ASB10: variants seen among roughly 807,000 people sequenced by gnomAD.
ASB10 encodes the protein ankyrin repeat and SOCS box protein 10.
In ASB10, 44 loss-of-function variants were observed where a neutral mutation model predicts 35.4. The observed-to-expected ratio is 1.24, with a 90% CI of 0.98 to 1.60. The LOEUF (loss-of-function observed/expected upper bound fraction) is 1.60, where lower values mean the gene tolerates loss of function less well. Among genes scored for constraint, ASB10 ranks in the 40% most tolerant of loss-of-function variants. ASB10 has a pLI of 0.00. For missense variants in ASB10, 647 were observed against 634.3 expected, an observed-to-expected ratio of 1.02 and a Z score of -0.22; for synonymous variants, 294 against 280.4, an observed-to-expected ratio of 1.05 and a Z score of -0.49.
intron 2 of ASB10, among the ~76,000 whole-genome samples, chr7:151,183,387 C>T (rs1801529564): frequency 6.6e-6 from 1 of 152,176 alleles, no homozygotes; most frequent in Admixed American, 6.5e-5. Flanking sequence ...GACTAGGTGA[C>T]TGAGAGAGAC....
In ASB10 at chr7:151,176,222, C is replaced by A; in HGVS notation, c.1294G>T (p.Ala432Ser). 6.2e-7 allele frequency: 1 copy of A among 1,604,564 alleles called. No individual in the cohort carries two copies. Among genetic ancestry groups the A allele is most frequent in the East Asian group, 2.2e-5 (1 of 44,784 alleles). Reference protein sequence around the residue: ...PRSLQHLSRCALRSHLEGSLP... With the variant: ...PRSLQHLSRCSLRSHLEGSLP... ...CTGCCCTCCAGGTGGGAGCGGAGCGCACAGCGGCTCAAATGCTGCAGCGAC... is the reference window on the plus strand; with the variant it reads ...CTGCCCTCCAGGTGGGAGCGGAGCGAACAGCGGCTCAAATGCTGCAGCGAC... The change falls in exon 5 of 6, where the codon GCG (alanine) becomes TCG (serine). Residue 432 changes from alanine (A) to serine (S), a missense_variant. Ala to Ser is a moderately conservative substitution (Grantham distance 99, BLOSUM62 1). Transcript: ENST00000420175.
At chr7:151,185,030 A>C (rs1801562360) in intron 2 of ASB10, among the ~76,000 whole-genome samples, 2 of 152,106 alleles carry the variant, frequency 1.3e-5, no homozygotes, top group African/African-American at 4.8e-5. Flanking sequence ...TCAAAAAATA[A>C]ATAAATAAAT....
chr7:151,180,787 CT>C (rs1260748945), intron 3 of ASB10, 151 bp downstream of exon 3: 5 of 1,350,912 alleles, frequency 3.7e-6, no homozygotes, highest in Non-Finnish European at 3.9e-6. Context: ...ACCTTGACCC[CT>C]ATTTGGGCTT....
chr7:151,181,007 G>A lies in ASB10; in HGVS notation c.1036C>T (p.Pro346Ser), dbSNP rs139613280. 96 of 1,602,442 alleles carry A rather than the reference G, an allele frequency of 6.0e-5. No individual in the cohort carries two copies. The highest frequency in any genetic ancestry group is 3.4e-4 in the Middle Eastern group (2 of 5,908). The change falls in exon 3 of 6, where the codon CCC becomes TCC. Residue 346 changes from proline (P) to serine (S), a missense_variant. Physicochemically the swap from Pro to Ser is moderately conservative, Grantham distance 74. Transcript: ENST00000420175. ...AGCAGAGCCCGAACCACGTGCTCGG[G>A]GCTCTGGGCCAGGGCTGCAGCTGGG... ...QGPAAALAQS[P>S]EHVVRALLNH... is the part of the protein sequence containing the mutation.
In ASB10 at chr7:151,186,907, G is replaced by A. The variant is rs104886489; in HGVS notation, c.224C>T (p.Ala75Val). The change falls in exon 1 of 6, where the codon GCG (alanine) becomes GTG (valine). Residue 75 changes from alanine (A) to valine (V), a missense_variant. Coordinates refer to ENST00000420175, the MANE Select transcript of ASB10 (RefSeq NM_001142459.2). ...AGGAGCCAGGCCAGTACTGGAGTCCGCGAGGATGCGGGAGACACAGCCCAC... is the reference window on the plus strand; with the variant it reads ...AGGAGCCAGGCCAGTACTGGAGTCCACGAGGATGCGGGAGACACAGCCCAC... ...GDVGCVSRILADSSTGLAPDS... is the reference protein window; with the variant it reads ...GDVGCVSRILVDSSTGLAPDS... 5.3e-5 allele frequency: 85 copies of A among 1,614,032 alleles called. 1 individual carries two copies. The highest frequency in any genetic ancestry group is 4.9e-4 in the Middle Eastern group (3 of 6,062).
Position 151,181,383 on chromosome 7 carries a change from A to G in ASB10, c.660T>C (p.His220=), listed in dbSNP as rs1801489748. The part of the protein sequence containing the change: ...RSEEEEETPL[H]VAARLGHVEL... ...CCACATGGCCAAGCCGGGCGGCCAC[A>G]TGCAAAGGGGTCTCCTCTTCTTCCT... Residue 220 remains histidine (H), a synonymous_variant, in exon 3 of 6, where the codon CAT becomes CAC. Coordinates refer to ENST00000420175, the MANE Select transcript of ASB10 (RefSeq NM_001142459.2). 1 of 1,612,900 alleles carries G rather than the reference A, an allele frequency of 6.2e-7. No individual in the cohort carries two copies. Among genetic ancestry groups the G allele is most frequent in the Non-Finnish European group, 8.5e-7 (1 of 1,179,836 alleles).
At position 151,181,252 on chromosome 7, in the gene ASB10, G is replaced by C. The variant is rs1481333015; in HGVS notation, c.791C>G (p.Thr264Ser). ...AACDVRCQSI[T>S]DAEATTARCL... ...GCGGGCGGTGGTGGCCTCGGCATCG[G>C]TGATGGACTGGCAGCGGACGTCACA... Residue 264 changes from threonine to serine, a missense_variant, in exon 3 of 6, where the codon ACC becomes AGC. Transcript: ENST00000420175. 1 of 1,613,184 alleles carries C rather than the reference G, an allele frequency of 6.2e-7. No homozygotes were observed. Among genetic ancestry groups the C allele is most frequent in the African/African-American group, 1.3e-5 (1 of 75,056 alleles).
rs764781841 is a variant in ASB10 at position 151,181,428 on chromosome 7, C to A, written c.615G>T (p.Ala205=). The A allele has an allele frequency of 5.6e-6, 9 of 1,603,818 alleles. No homozygotes were observed. In the South Asian group the frequency reaches 1.0e-4, roughly 18 times the overall value. Residue 205 remains alanine, a synonymous_variant, in exon 3 of 6, where the codon GCG becomes GCT. Transcript: ENST00000420175. ...ECAELLLRFG[A]RVDGRSEEEE... is the part of the protein sequence containing the mutation. ...CTTCCTCGGACCGACCATCCACTCT[C>A]GCTCCAAACCTGAGGAGCAGCTCCG...
At chr7:151,185,188 C>T (rs1349276745) in intron 2 of ASB10, among the ~76,000 whole-genome samples, 3 of 148,670 alleles carry the variant, frequency 2.0e-5, no homozygotes, top group Admixed American at 1.3e-4. Context: ...ATCTAATCTC[C>T]GCTCACTGCA....
At chr7:151,177,983 C>T (rs897306685) in intron 3 of ASB10, among the ~76,000 whole-genome samples, 16 of 152,232 alleles carry the variant, frequency 1.1e-4, no homozygotes, top group Non-Finnish European at 1.8e-4. Context: ...CGTGGCGGCT[C>T]ATGCCTGTAA....
At chr7:151,182,751 C>G (rs1486946994) in intron 2 of ASB10, among the ~76,000 whole-genome samples, 1 of 152,074 alleles carries the variant, frequency 6.6e-6, no homozygotes, top group Non-Finnish European at 1.5e-5. Flanking sequence ...ATTATAACAG[C>G]TCCACCTTCC....
intron 2 of ASB10, among the ~76,000 whole-genome samples, chr7:151,182,603 AG>A (rs1019097065): frequency 5.3e-5 from 8 of 152,288 alleles, no homozygotes; most frequent in African/African-American, 1.7e-4. Flanking sequence ...AAAATAAAAA[AG>A]ACTGAAATTG....
chr7:151,179,743 G>A (rs1801452549), intron 3 of ASB10, among the ~76,000 whole-genome samples: 2 of 152,246 alleles, frequency 1.3e-5, no homozygotes, highest in African/African-American at 4.8e-5. Context: ...GAGAGGTGGA[G>A]CAGGGCTGTG....
chr7:151,177,605 G>T (rs1333036564), intron 3 of ASB10, among the ~76,000 whole-genome samples: 1 of 152,112 alleles, frequency 6.6e-6, no homozygotes, highest in Non-Finnish European at 1.5e-5. Context: ...GCCAGGGAGT[G>T]GGGTGGGGCT....
At chr7:151,186,072 G>C (rs1801582495) in intron 2 of ASB10, among the ~76,000 whole-genome samples, 1 of 152,168 alleles carries the variant, frequency 6.6e-6, no homozygotes, top group Admixed American at 6.5e-5. Flanking sequence ...GATAAGCTCA[G>C]AAAGTGTTTT....
chr7:151,181,221 C>G lies in ASB10; in HGVS notation c.822G>C (p.Leu274=), dbSNP rs1410871211. The G allele has an allele frequency of 1.2e-6, 2 of 1,612,960 alleles. No individual in the cohort carries two copies. Among genetic ancestry groups the G allele is most frequent in the Non-Finnish European group, 1.7e-6 (2 of 1,179,896 alleles). The change falls in exon 3 of 6, where the codon CTG becomes CTC. Residue 274 remains leucine (L), a synonymous_variant. Coordinates refer to ENST00000420175, the MANE Select transcript of ASB10 (RefSeq NM_001142459.2). ...TDAEATTARC[L]QLCSLLLSAG... ...CTGAAAGCAGCAAGCTGCACAGCTGCAGGCAGCGGGCGGTGGTGGCCTCGG... is the reference window on the plus strand; with the variant it reads ...CTGAAAGCAGCAAGCTGCACAGCTGGAGGCAGCGGGCGGTGGTGGCCTCGG...
intron 2 of ASB10, 54 bp downstream of exon 2, chr7:151,186,338 C>T: frequency 1.3e-6 from 2 of 1,512,068 alleles, no homozygotes; most frequent in South Asian, 2.6e-5. Context: ...CCTGAGAAGG[C>T]CTCTTTGCTT....
At chr7:151,179,777 G>A (rs1312207403) in intron 3 of ASB10, among the ~76,000 whole-genome samples, 1 of 152,208 alleles carries the variant, frequency 6.6e-6, no homozygotes. Context: ...CCCTTTCGCT[G>A]CGCCGGGCCC....
chr7:151,187,571 T>A (rs575053286), upstream of ASB10: 45 of 1,551,288 alleles, frequency 2.9e-5, no homozygotes, highest in South Asian at 5.2e-4. The surrounding 1 kb of genome is among the most constrained non-coding windows in gnomAD (Gnocchi z 5.3). Context: ...GAGGGCATTC[T>A]GCAGGGCCAT....
Sources: allele counts gnomAD v4.1 joint callset (sites outside exome capture counted in the v4.1 genomes callset), GRCh38; gene constraint gnomAD v4.1.1; non-coding constraint Gnocchi (gnomAD v3.1); transcripts MANE v1.5; gene names NCBI Gene and HGNC (gene_info 2026-07-23, HGNC 2026-07-21).